TTC7A: variants seen among roughly 807,000 people sequenced by gnomAD.
The protein encoded by TTC7A is tetratricopeptide repeat domain 7A.
Under a neutral mutation model 103.7 loss-of-function variants are expected in TTC7A, and 110 were observed. The observed-to-expected ratio is 1.06, with a 90% confidence interval of 0.91 to 1.24. The LOEUF is 1.24. Among genes scored for constraint, TTC7A ranks in the 50% most tolerant of loss-of-function variants. The pLI is 0.00. For synonymous variants in TTC7A, 521 were observed against 467.9 expected, an observed-to-expected ratio of 1.11 and a Z score of -1.47; for missense variants, 1,340 against 1,116.3, an observed-to-expected ratio of 1.20 and a Z score of -2.86.
intron 2 of TTC7A, among the ~76,000 whole-genome samples, chr2:46,928,678 G>T (rs1669532339): frequency 6.6e-6 from 1 of 152,044 alleles, no homozygotes; most frequent in Non-Finnish European, 1.5e-5. Flanking sequence ...ACTGAGGTTG[G>T]AGGATGGCTT....
chr2:47,006,536 G>A, intron 9 of TTC7A, 105 bp from the exon 10 acceptor site: 1 of 1,011,272 alleles, frequency 9.9e-7, no homozygotes, highest in South Asian at 1.4e-5. Context: ...GCCTCCTGCA[G>A]CCTCCCAAAA....
chr2:46,926,004 T>TGTCCG (rs1253351095), intron 2 of TTC7A, among the ~76,000 whole-genome samples: 10 of 152,220 alleles, frequency 6.6e-5, no homozygotes, highest in Non-Finnish European at 1.0e-4. Flanking sequence ...AGTTTGGGTT[T>TGTCCG]GTCCGGTAAT....
intron 3 of TTC7A, among the ~76,000 whole-genome samples, chr2:46,965,843 G>A (rs1476923941): frequency 3.3e-5 from 5 of 152,112 alleles, no homozygotes; most frequent in Admixed American, 6.5e-5. Flanking sequence ...AGTTACAGGC[G>A]TGAGCCACCA....
chr2:47,009,212 C>G (rs1311426562), intron 10 of TTC7A, among the ~76,000 whole-genome samples: 1 of 152,080 alleles, frequency 6.6e-6, no homozygotes, highest in Admixed American at 6.5e-5. Context: ...CACCCTGGCA[C>G]CCGCCCACTC....
chr2:47,057,767 A>G (rs187598505), intron 18 of TTC7A, among the ~76,000 whole-genome samples: 13 of 152,236 alleles, frequency 8.5e-5, no homozygotes, highest in Admixed American at 7.2e-4. Flanking sequence ...TCTTAGTCCA[A>G]AGGCCTCTGC....
rs763417960 is a variant in TTC7A at position 47,073,667 on chromosome 2, AC to A, written c.2356-31del. 8.1e-4 allele frequency: 1,298 copies of A among 1,595,106 alleles called. 10 individuals are homozygous for A. Among genetic ancestry groups the A allele is most frequent in the Middle Eastern group, 6.7e-4 (4 of 5,994 alleles). The stretch of plus-strand genomic sequence containing the variant: ...TGCCAAGATGCCTGTGCCATGGGAC[AC>A]CCCTACTCACCCTGCCCTGTGCTTC... On this transcript the variant is annotated intron_variant, in intron 19 of 19. Transcript: ENST00000319190.
In TTC7A at chr2:47,007,499, A is replaced by T. The variant is rs1397423314; in HGVS notation, c.1287+775A>T. ...GCAGATTGTTCCAGGAGCTGTAAAT[A>T]TCCAGAGCCCTTTCATGGGGCTGAG... is the stretch of plus-strand genomic sequence containing the variant. On this transcript the variant is annotated intron_variant, in intron 10 of 19. Transcript: ENST00000319190. The surrounding 1 kb of genome is among the most constrained non-coding windows in gnomAD (Gnocchi z 4.9). Among the ~76,000 whole-genome samples the T allele has an allele frequency of 1.3e-5, 2 of 152,156 alleles. No homozygotes were observed. Among genetic ancestry groups the T allele is most frequent in the Non-Finnish European group, 2.9e-5 (2 of 68,004 alleles).
chr2:46,970,156 A>AT (rs1337202209), intron 3 of TTC7A, among the ~76,000 whole-genome samples: 8 of 151,930 alleles, frequency 5.3e-5, no homozygotes, highest in African/African-American at 1.7e-4. Flanking sequence ...AGCCCAGCTA[A>AT]TTTTTTCTAT....
At chr2:46,946,252 G>A (rs994570745) in intron 1 of TTC7A, among the ~76,000 whole-genome samples, 2 of 152,086 alleles carry the variant, frequency 1.3e-5, no homozygotes, top group East Asian at 1.9e-4. Flanking sequence ...ATTCACTATC[G>A]GTCTGATGGC....
At chr2:46,984,317 T>C (rs902549018) in intron 5 of TTC7A, among the ~76,000 whole-genome samples, 16 of 152,198 alleles carry the variant, frequency 1.1e-4, no homozygotes, top group African/African-American at 3.6e-4. Flanking sequence ...TTGAAAACTT[T>C]GGTGGGTGCC....
At chr2:47,055,580 C>T (rs1036663378) in intron 18 of TTC7A, among the ~76,000 whole-genome samples, 1 of 152,172 alleles carries the variant, frequency 6.6e-6, no homozygotes, top group Non-Finnish European at 1.5e-5. Context: ...CCCCATGACC[C>T]CCATGATCCC....
At chr2:47,010,290 C>T (rs1016865617) in intron 10 of TTC7A, among the ~76,000 whole-genome samples, 2 of 152,150 alleles carry the variant, frequency 1.3e-5, no homozygotes, top group African/African-American at 2.4e-5. Context: ...CAGCCATATA[C>T]AGTATGTAAA....
intron 2 of TTC7A, among the ~76,000 whole-genome samples, chr2:46,917,440 C>T (rs1668869448): frequency 6.6e-6 from 1 of 152,178 alleles, no homozygotes; most frequent in Non-Finnish European, 1.5e-5. Context: ...ATTCATCCAC[C>T]CCTCCCTTTG....
intron 18 of TTC7A, among the ~76,000 whole-genome samples, chr2:47,052,505 T>G (rs1470978276): frequency 6.6e-6 from 1 of 152,190 alleles, no homozygotes; most frequent in Non-Finnish European, 1.5e-5. Context: ...GGCTTCCGTC[T>G]CGTCCATGGC....
At chr2:46,997,701 G>A (rs544081715) in intron 8 of TTC7A, among the ~76,000 whole-genome samples, 5 of 152,244 alleles carry the variant, frequency 3.3e-5, no homozygotes, top group African/African-American at 9.6e-5. Context: ...GTTCTTAAGT[G>A]TAAAAGGCCA....
At chr2:46,970,195 C>T (rs1377430842) in intron 3 of TTC7A, among the ~76,000 whole-genome samples, 5 of 152,120 alleles carry the variant, frequency 3.3e-5, no homozygotes, top group African/African-American at 1.2e-4. Context: ...TCACCATGTT[C>T]CCAGGCTGGT....
chr2:46,996,541 C>T (rs556811801), intron 8 of TTC7A, among the ~76,000 whole-genome samples: 6 of 152,268 alleles, frequency 3.9e-5, no homozygotes, highest in East Asian at 1.9e-4. Context: ...TAGGAGCAGG[C>T]GCTGGCCTGT....
At chr2:47,017,401 A>G (rs1413340851) in intron 11 of TTC7A, among the ~76,000 whole-genome samples, 2 of 150,452 alleles carry the variant, frequency 1.3e-5, no homozygotes, top group African/African-American at 4.9e-5. Context: ...GCCTGGTGCA[A>G]TGGTGCGTGC....
chr2:46,927,809 G>A (rs1383137526), intron 2 of TTC7A, among the ~76,000 whole-genome samples: 10 of 149,978 alleles, frequency 6.7e-5, no homozygotes, highest in African/African-American at 9.8e-5. Context: ...AAGAGTAAAC[G>A]TGAGAAGACA....
Sources: gnomAD v4.1 joint callset for allele counts (sites outside exome capture counted in the v4.1 genomes callset) on GRCh38, gnomAD v4.1.1 for gene constraint, Gnocchi (gnomAD v3.1) non-coding constraint, MANE v1.5 for transcripts, NCBI Gene and HGNC (gene_info 2026-07-23, HGNC 2026-07-21) for gene names.